Variants in MCTP1 observed in about 807,000 individuals in gnomAD.
The protein encoded by MCTP1 is multiple C2 and transmembrane domain-containing protein 1.
Under a neutral mutation model 120.6 loss-of-function variants are expected in MCTP1, and 69 were observed. The ratio of observed to expected loss-of-function variants is 0.57; its 90% confidence interval spans 0.47 to 0.70. MCTP1 has a LOEUF of 0.70. Ranked by LOEUF, MCTP1 falls within the 30% of genes least tolerant of loss-of-function variation. The probability of loss-of-function intolerance (pLI) is 0.00; values close to 1 mark genes in which losing one functional copy is unlikely to be tolerated. For missense variants in MCTP1, 1,203 were observed against 1,248.8 expected, an observed-to-expected ratio of 0.96 and a Z score of 0.55; for synonymous variants, 529 against 493.1, an observed-to-expected ratio of 1.07 and a Z score of -0.96.
At position 94,704,669 on chromosome 5, in the gene MCTP1, T is replaced by C. The variant is rs1585268020; in HGVS notation, c.*2827A>G. The C allele has an allele frequency of 4.6e-5, 7 of 151,334 alleles. No homozygotes were observed. The South Asian group carries it at 1.2e-3, about 27-fold the overall frequency. The allele number at this position is 151,334 out of a possible 1,614,324, so 9.4% of individuals were successfully genotyped here. On this transcript the variant is annotated 3_prime_UTR_variant, in exon 23 of 23. Transcript: ENST00000515393. The stretch of plus-strand genomic sequence containing the variant: ...AGATTTGATTTTAGTATACAATCAT[T>C]GGTTTGACCGTTGTCTATAACAGGG...
At chr5:94,718,694 GAACA>G (rs1417551114) in intron 19 of MCTP1, among the ~76,000 whole-genome samples, 1 of 152,088 alleles carries the variant, frequency 6.6e-6, no homozygotes, top group Non-Finnish European at 1.5e-5. Context: ...CAAAAGACAT[GAACA>G]GACACTTCAT....
chr5:94,890,433 T>C (rs1399749357), intron 11 of MCTP1, among the ~76,000 whole-genome samples: 1 of 152,192 alleles, frequency 6.6e-6, no homozygotes. Context: ...GGAAATTGCA[T>C]GGGTTAGATG....
In MCTP1 at chr5:94,704,992, A is replaced by G. The variant is rs1229571076; in HGVS notation, c.*2504T>C. ...TACGCATTTCTTATGAATTATCACA[A>G]CGAATGTCAGTAATAGTTTATGAAT... On this transcript the variant is annotated 3_prime_UTR_variant, in exon 23 of 23. Coordinates refer to ENST00000515393, the MANE Select transcript of MCTP1 (RefSeq NM_024717.7). 2 of 151,186 alleles carry G rather than the reference A, an allele frequency of 1.3e-5. No homozygotes were observed. The highest frequency in any genetic ancestry group is 3.0e-5 in the Non-Finnish European group (2 of 67,542). The allele number at this position is 151,186 out of a possible 1,614,324, so 9.4% of individuals were successfully genotyped here.
rs900672685 is a variant in MCTP1, at chr5:94,704,117, T to C, written c.*3379A>G. ...ATTTACCACATTATTTTCTATGTGGTTTTAATTCATACTTTACTGAGCAAT... is the reference window on the plus strand; with the variant it reads ...ATTTACCACATTATTTTCTATGTGGCTTTAATTCATACTTTACTGAGCAAT... On this transcript the variant is annotated 3_prime_UTR_variant, in exon 23 of 23. Coordinates refer to ENST00000515393, the MANE Select transcript of MCTP1 (RefSeq NM_024717.7). 15 of 150,608 alleles carry C rather than the reference T, an allele frequency of 1.0e-4. No individual in the cohort carries two copies. Among genetic ancestry groups the C allele is most frequent in the South Asian group, 4.3e-4 (2 of 4,616 alleles). The allele number at this position is 150,608 out of a possible 1,614,324, so 9.3% of individuals were successfully genotyped here. A position where few individuals can be genotyped will look rare whatever the true frequency, so the allele number is the denominator to read the frequency against.
chr5:95,164,788 T>C (rs1014621829), intron 1 of MCTP1, among the ~76,000 whole-genome samples: 1 of 152,200 alleles, frequency 6.6e-6, no homozygotes, highest in East Asian at 1.9e-4. Context: ...GGAATTACAG[T>C]GATGCTAGCT....
intron 17 of MCTP1, among the ~76,000 whole-genome samples, chr5:94,849,739 A>C (rs1419416288): frequency 2.0e-5 from 3 of 152,180 alleles, no homozygotes; most frequent in Middle Eastern, 3.2e-3. Context: ...TACTATTTTC[A>C]ACCCATGAAT....
In MCTP1 at chr5:94,896,104, C is replaced by T. The variant is rs1314893596; in HGVS notation, c.1653-1269G>A. On this transcript the variant is annotated intron_variant, in intron 10 of 22. Transcript: ENST00000515393. ...AACTCTGAAGGGTGAAAAAACATATCACATCCCTTATCTCATATTTAAATT... is the reference window on the plus strand; with the variant it reads ...AACTCTGAAGGGTGAAAAAACATATTACATCCCTTATCTCATATTTAAATT... Among the ~76,000 whole-genome samples, 8 of 152,166 alleles carry T rather than the reference C, an allele frequency of 5.3e-5. No individual in the cohort carries two copies. The East Asian group carries it at 1.5e-3, about 29-fold the overall frequency.
At chr5:94,875,670 CA>C (rs35608783) in intron 12 of MCTP1, among the ~76,000 whole-genome samples, 84,799 of 151,278 alleles carry the variant, frequency 0.56, 24,325 homozygotes, top group Middle Eastern at 0.64. Flanking sequence ...TTGCAGATGT[CA>C]ATATTTAATC....
At chr5:94,938,773 A>G (rs1305009908) in intron 5 of MCTP1, among the ~76,000 whole-genome samples, 3 of 152,042 alleles carry the variant, frequency 2.0e-5, no homozygotes, top group Non-Finnish European at 4.4e-5. Context: ...TTTATAATTG[A>G]TTCTTATGTA....
chr5:94,824,427 G>A (rs181900202), intron 17 of MCTP1, among the ~76,000 whole-genome samples: 236 of 152,308 alleles, frequency 1.5e-3, no homozygotes, highest in African/African-American at 5.1e-3. Context: ...TTTTTAATGT[G>A]CTGCTGGATT....
chr5:95,263,446 C>T (rs1472749280), intron 1 of MCTP1, among the ~76,000 whole-genome samples: 1 of 152,158 alleles, frequency 6.6e-6, no homozygotes, highest in Non-Finnish European at 1.5e-5. Context: ...AGTCCTGTGG[C>T]ACCCATCCAG....
chr5:95,018,323 A>AT (rs1037107157), intron 1 of MCTP1, among the ~76,000 whole-genome samples: 24 of 151,630 alleles, frequency 1.6e-4, no homozygotes, highest in Admixed American at 6.6e-5. Context: ...AATTCTTATA[A>AT]TTTTTTTTTC....
chr5:94,715,734 G>GT (rs1253350268), intron 19 of MCTP1, among the ~76,000 whole-genome samples: 1 of 152,190 alleles, frequency 6.6e-6, no homozygotes, highest in Non-Finnish European at 1.5e-5. Flanking sequence ...ATTCTGCTTA[G>GT]TAGCCTGGCA....
At chr5:94,813,642 T>G (rs746368648) in intron 17 of MCTP1, among the ~76,000 whole-genome samples, 2 of 152,160 alleles carry the variant, frequency 1.3e-5, no homozygotes, top group Non-Finnish European at 2.9e-5. Context: ...ATACCTGTAA[T>G]CCCAGTACTT....
intron 1 of MCTP1, among the ~76,000 whole-genome samples, chr5:95,250,479 A>G (rs1278395020): frequency 6.6e-6 from 1 of 152,214 alleles, no homozygotes; most frequent in Non-Finnish European, 1.5e-5. Flanking sequence ...GACCCTTCAC[A>G]GTTTTTGACA....
At chr5:94,842,110 G>C (rs1043104050) in intron 17 of MCTP1, among the ~76,000 whole-genome samples, 10 of 152,156 alleles carry the variant, frequency 6.6e-5, no homozygotes, top group Admixed American at 1.3e-4. Context: ...TGTTAGAAGT[G>C]GTTGCCACTT....
chr5:94,748,165 A>C (rs1486114067), intron 19 of MCTP1, among the ~76,000 whole-genome samples: 2 of 152,214 alleles, frequency 1.3e-5, no homozygotes, highest in African/African-American at 4.8e-5. Context: ...AGGTTTCTGT[A>C]ATTTGATGTG....
intron 3 of MCTP1, among the ~76,000 whole-genome samples, chr5:94,943,779 C>T (rs1232072427): frequency 1.3e-5 from 2 of 150,542 alleles, no homozygotes; most frequent in African/African-American, 4.9e-5. Context: ...AAACCGTTTA[C>T]GATGGAAAAA....
chr5:94,988,196 G>T (rs1439541006), intron 2 of MCTP1, among the ~76,000 whole-genome samples: 2 of 152,104 alleles, frequency 1.3e-5, no homozygotes, highest in Admixed American at 1.3e-4. Context: ...CCAAGCTAAA[G>T]CATATTTACT....
Sources: allele counts gnomAD v4.1 joint callset (sites outside exome capture counted in the v4.1 genomes callset), GRCh38; gene constraint gnomAD v4.1.1; transcripts MANE v1.5; gene names NCBI Gene and HGNC (gene_info 2026-07-23, HGNC 2026-07-21).